MAP2K4: variants seen among roughly 807,000 people sequenced by gnomAD.
MAP2K4 encodes the protein dual specificity mitogen-activated protein kinase kinase 4.
Under a neutral mutation model 48.5 loss-of-function variants are expected in MAP2K4, and 4 were observed. The ratio of observed to expected loss-of-function variants is 0.08; its 90% CI spans 0.04 to 0.19. The LOEUF is 0.19. Among genes scored for constraint, MAP2K4 ranks in the 10% least tolerant of loss-of-function variants. The probability of loss-of-function intolerance (pLI) is 1.00; values close to 1 mark genes in which losing one functional copy is unlikely to be tolerated. For missense variants in MAP2K4, 258 were observed against 493.3 expected (o/e 0.52, Z 4.52); for synonymous variants, 166 against 173.1 (o/e 0.96, Z 0.32).
intron 9 of MAP2K4, among the ~76,000 whole-genome samples, chr17:12,131,135 A>G (rs537440628): frequency 3.5e-4 from 54 of 152,114 alleles, no homozygotes; most frequent in South Asian, 8.3e-4. Flanking sequence ...ACTGAGAGAT[A>G]CTATTCTATA....
chr17:12,066,762 T>C (rs1437455821), intron 2 of MAP2K4, among the ~76,000 whole-genome samples: 1 of 152,156 alleles, frequency 6.6e-6, no homozygotes, highest in African/African-American at 2.4e-5. Context: ...TGATCTCCGC[T>C]CACTGCAAGC....
At chr17:12,095,767 C>T in intron 4 of MAP2K4, 73 bp downstream of exon 4, 1 of 1,511,294 alleles carries the variant, frequency 6.6e-7, no homozygotes, top group Non-Finnish European at 9.1e-7. Flanking sequence ...GGATTCGATT[C>T]TATTCTTAAA....
At chr17:12,113,920 A>G (rs1409342930) in intron 7 of MAP2K4, among the ~76,000 whole-genome samples, 3 of 152,186 alleles carry the variant, frequency 2.0e-5, no homozygotes, top group Admixed American at 2.0e-4. Context: ...ATATTTGCAT[A>G]CAGTGTTCCT....
At chr17:12,130,819 G>T (rs1393534540) in intron 9 of MAP2K4, among the ~76,000 whole-genome samples, 1 of 152,124 alleles carries the variant, frequency 6.6e-6, no homozygotes, top group Non-Finnish European at 1.5e-5. Flanking sequence ...GGATCATTCA[G>T]ATTTCTCATA....
chr17:12,059,977 A>C (rs1391211467), intron 2 of MAP2K4, among the ~76,000 whole-genome samples: 1 of 152,148 alleles, frequency 6.6e-6, no homozygotes, highest in Non-Finnish European at 1.5e-5. Context: ...AAGAAGTTCG[A>C]GACCAGGCTG....
intron 1 of MAP2K4, among the ~76,000 whole-genome samples, chr17:12,025,302 G>A (rs746580842): frequency 2.0e-5 from 3 of 151,976 alleles, no homozygotes; most frequent in Non-Finnish European, 4.4e-5. Flanking sequence ...TAACCTGTAG[G>A]GCCATTGTAA....
intron 4 of MAP2K4, among the ~76,000 whole-genome samples, chr17:12,101,837 C>T (rs973445423): frequency 6.6e-6 from 1 of 152,132 alleles, no homozygotes; most frequent in East Asian, 1.9e-4. Context: ...GCACAAATAT[C>T]ATTTGATTTT....
At chr17:12,132,621 A>G in intron 9 of MAP2K4, among the ~76,000 whole-genome samples, 1 of 152,124 alleles carries the variant, frequency 6.6e-6, no homozygotes, top group East Asian at 1.9e-4. Flanking sequence ...AAAAAAAAAA[A>G]AGGATAAGAC....
chr17:12,063,956 G>A, intron 2 of MAP2K4, among the ~76,000 whole-genome samples: 2 of 104,068 alleles, frequency 1.9e-5, no homozygotes, highest in East Asian at 6.9e-4. Flanking sequence ...TGGGTGACAA[G>A]AGCAAAATTC....
At position 12,143,460 on chromosome 17, in the gene MAP2K4, T is replaced by G; in HGVS notation, c.*2200T>G. On this transcript the variant is annotated 3_prime_UTR_variant, in exon 11 of 11. Transcript: ENST00000353533. ...CAAACTGTGAAAATAGTGTAAGAAC[T>G]GTACATTGTGAGCTCTGGTTATTTT... The G allele has an allele frequency of 4.3e-6, 1 of 232,586 alleles. No individual in the cohort carries two copies. Among genetic ancestry groups the G allele is most frequent in the Non-Finnish European group, 8.5e-6 (1 of 117,356 alleles). 14.4% of individuals were successfully genotyped at this position (232,586 alleles called of 1,614,324 possible).
intron 2 of MAP2K4, among the ~76,000 whole-genome samples, chr17:12,058,013 A>T (rs1305550077): frequency 6.6e-6 from 1 of 151,474 alleles, no homozygotes; most frequent in African/African-American, 2.4e-5. Flanking sequence ...CTTTGGTTAT[A>T]GATCATCACC....
chr17:12,141,170 T>C lies in MAP2K4; in HGVS notation c.1110T>C (p.Tyr370=), dbSNP rs1973367496. The part of the protein sequence containing the change: ...ELLKHPFILM[Y]EERAVEVACY... ...AGAAACATCCCTTTATTTTGATGTATGAAGAACGTGCCGTTGAGGTCGCAT... is the reference window on the plus strand; with the variant it reads ...AGAAACATCCCTTTATTTTGATGTACGAAGAACGTGCCGTTGAGGTCGCAT... Residue 370 remains tyrosine (Y), a synonymous_variant, in exon 11 of 11, where the codon TAT becomes TAC. Coordinates refer to ENST00000353533, the MANE Select transcript of MAP2K4 (RefSeq NM_003010.4). The C allele has an allele frequency of 6.2e-7, 1 of 1,613,320 alleles. No individual in the cohort carries two copies. Among genetic ancestry groups the C allele is most frequent in the South Asian group, 1.1e-5 (1 of 91,068 alleles).
At chr17:12,077,763 C>A (rs1468625297) in intron 2 of MAP2K4, among the ~76,000 whole-genome samples, 1 of 152,210 alleles carries the variant, frequency 6.6e-6, no homozygotes, top group Non-Finnish European at 1.5e-5. Context: ...CAAAATACCA[C>A]ATACTAGGTG....
Position 12,141,531 on chromosome 17 carries a change from T to A in MAP2K4, c.*271T>A. ...TCATGAAATGTGGAAGTCAGTACGA[T>A]CAAGTTGTTGACTGTGATTAGATCA... is the stretch of plus-strand genomic sequence containing the variant. On this transcript the variant is annotated 3_prime_UTR_variant, in exon 11 of 11. Coordinates refer to ENST00000353533, the MANE Select transcript of MAP2K4 (RefSeq NM_003010.4). The A allele has an allele frequency of 2.2e-6, 1 of 463,944 alleles. No individual in the cohort carries two copies. Among genetic ancestry groups the A allele is most frequent in the African/African-American group, 1.9e-5 (1 of 51,494 alleles). The allele number at this position is 463,944 out of a possible 1,614,324, so 28.7% of individuals were successfully genotyped here.
At chr17:12,085,320 T>C (rs1011329529) in intron 3 of MAP2K4, among the ~76,000 whole-genome samples, 1 of 152,080 alleles carries the variant, frequency 6.6e-6, no homozygotes, top group South Asian at 2.1e-4. Flanking sequence ...ATTGAAGAAC[T>C]GAATAATATT....
chr17:12,049,486 ATTCTT>A (rs563551389), intron 1 of MAP2K4, among the ~76,000 whole-genome samples: 39 of 152,234 alleles, frequency 2.6e-4, no homozygotes, highest in Admixed American at 2.3e-3. Flanking sequence ...AATTTTTATG[ATTCTT>A]TTCATTAGTT....
At chr17:12,035,135 G>A (rs1422577555) in intron 1 of MAP2K4, among the ~76,000 whole-genome samples, 2 of 152,210 alleles carry the variant, frequency 1.3e-5, no homozygotes, top group East Asian at 3.8e-4. Flanking sequence ...AATTAGAAGT[G>A]CAAATCTGTA....
At chr17:12,075,191 A>G (rs1292480206) in intron 2 of MAP2K4, among the ~76,000 whole-genome samples, 1 of 152,208 alleles carries the variant, frequency 6.6e-6, no homozygotes, top group African/African-American at 2.4e-5. Context: ...GCGTTTATAA[A>G]AATGGATTGG....
chr17:12,117,900 G>GA (rs1171903626), intron 7 of MAP2K4, among the ~76,000 whole-genome samples: 1 of 152,092 alleles, frequency 6.6e-6, no homozygotes, highest in African/African-American at 2.4e-5. Context: ...CTGAAAAATA[G>GA]AAAAACACCA....
Sources: allele counts gnomAD v4.1 joint callset (sites outside exome capture counted in the v4.1 genomes callset), GRCh38; gene constraint gnomAD v4.1.1; transcripts MANE v1.5; gene names NCBI Gene and HGNC (gene_info 2026-07-23, HGNC 2026-07-21).